Variants in LMNB1 observed in about 807,000 individuals in gnomAD.
The protein encoded by LMNB1 is lamin-B1.
Under a neutral mutation model 67.1 loss-of-function variants are expected in LMNB1, and 23 were observed. The observed-to-expected ratio is 0.34, with a 90% CI of 0.25 to 0.49. The LOEUF is 0.49. Ranked by LOEUF, LMNB1 falls within the 20% of genes least tolerant of loss-of-function variation. The pLI is 0.99. For missense variants in LMNB1, 634 were observed against 746.5 expected, an observed-to-expected ratio of 0.85 and a Z score of 1.76; for synonymous variants, 281 against 282.9, an observed-to-expected ratio of 0.99 and a Z score of 0.07.
At chr5:126,784,724 C>G (rs1192817342) in intron 1 of LMNB1, among the ~76,000 whole-genome samples, 2 of 148,370 alleles carry the variant, frequency 1.3e-5, no homozygotes, top group Admixed American at 6.8e-5. Context: ...GGCGCCATCT[C>G]GGCTCACTGC....
rs1750512142 is a variant in LMNB1 at position 126,777,877 on chromosome 5, AGCTGGCG to A, written c.359+13_359+19del. ...ACCAGCTGCTCCTCAAGTGAGTGCTAGCTGGCGGCCGCGTTAGCGCCAAGGAGGGGCG... is the reference window on the plus strand; with the variant it reads ...ACCAGCTGCTCCTCAAGTGAGTGCTAGCCGCGTTAGCGCCAAGGAGGGGCG... On this transcript the variant is annotated intron_variant, in intron 1 of 10. Transcript: ENST00000261366. 7.2e-7 allele frequency: 1 copy of A among 1,388,046 alleles called. No homozygotes were observed. The highest frequency in any genetic ancestry group is 1.6e-5 in the South Asian group (1 of 62,136). The allele number at this position is 1,388,046 out of a possible 1,614,324, so 86.0% of individuals were successfully genotyped here.
intron 1 of LMNB1, among the ~76,000 whole-genome samples, chr5:126,795,750 G>C (rs909724884): frequency 7.0e-6 from 1 of 143,448 alleles, no homozygotes; most frequent in Non-Finnish European, 1.5e-5. Flanking sequence ...TCAGCCTCCC[G>C]AGTAGCTGGG....
chr5:126,796,094 G>A (rs1366460075), intron 1 of LMNB1, among the ~76,000 whole-genome samples: 4 of 151,548 alleles, frequency 2.6e-5, no homozygotes, highest in Admixed American at 6.6e-5. Context: ...CACTACGCCC[G>A]GCCAATTTTG....
chr5:126,786,112 CTTTTTTTTT>C (rs70997312), intron 1 of LMNB1, among the ~76,000 whole-genome samples: 9 of 106,670 alleles, frequency 8.4e-5, no homozygotes, highest in African/African-American at 3.1e-4. Flanking sequence ...CAGACATTAT[CTTTTTTTTT>C]TTTTTTTTTT....
At chr5:126,807,853 G>GTTTTGTTTTTGTTTTTGT (rs11272186) in intron 3 of LMNB1, among the ~76,000 whole-genome samples, 40,654 of 145,296 alleles carry the variant, frequency 0.28, 5,913 homozygotes, top group South Asian at 0.4. Flanking sequence ...GTCCTCTTCA[G>GTTTTGTTTTTGTTTTTGT]TTTTGTTTTT....
chr5:126,788,672 G>A (rs796123217), intron 1 of LMNB1, among the ~76,000 whole-genome samples: 17 of 152,236 alleles, frequency 1.1e-4, no homozygotes, highest in African/African-American at 4.1e-4. Context: ...GAAAAGAGAG[G>A]TGAGTCATGG....
intron 1 of LMNB1, among the ~76,000 whole-genome samples, chr5:126,780,082 C>T (rs1469541425): frequency 6.6e-6 from 1 of 151,928 alleles, no homozygotes; most frequent in Non-Finnish European, 1.5e-5. Flanking sequence ...ATCCCAGCTA[C>T]TGGGGAGGCT....
At chr5:126,791,840 G>A (rs1157323357) in intron 1 of LMNB1, among the ~76,000 whole-genome samples, 3 of 151,874 alleles carry the variant, frequency 2.0e-5, no homozygotes, top group South Asian at 4.1e-4. Context: ...CTGGAGTGCA[G>A]TGGTGCGATC....
At chr5:126,812,878 G>A (rs190542849) in intron 5 of LMNB1, among the ~76,000 whole-genome samples, 4 of 151,892 alleles carry the variant, frequency 2.6e-5, no homozygotes, top group East Asian at 1.9e-4. Context: ...CTACAAGTGC[G>A]TGCCACCACG....
In LMNB1 at chr5:126,832,707, G is replaced by A. The variant is rs1561756437; in HGVS notation, c.1625G>A (p.Arg542Lys). The change falls in exon 10 of 11, where the codon AGA becomes AAA. Residue 542 changes from arginine (R) to lysine (K), a missense_variant. Coordinates refer to ENST00000261366, the MANE Select transcript of LMNB1 (RefSeq NM_005573.4). ...KNSQGEEVAQ[R>K]STVFKTTIPE... ...TATTGTTTTTAGGAGGTTGCTCAAA[G>A]AAGTACAGTCTTTAAAACAACCATA... 1.4e-5 allele frequency: 23 copies of A among 1,611,798 alleles called. No individual in the cohort carries two copies. Among genetic ancestry groups the A allele is most frequent in the Non-Finnish European group, 1.9e-5 (22 of 1,178,288 alleles).
chr5:126,806,751 C>G (rs756894255), intron 3 of LMNB1, among the ~76,000 whole-genome samples: 39 of 152,128 alleles, frequency 2.6e-4, no homozygotes, highest in African/African-American at 9.4e-4. Context: ...TCTGGAAATG[C>G]GGCTACTCAC....
At chr5:126,782,637 C>T (rs1177217816) in intron 1 of LMNB1, among the ~76,000 whole-genome samples, 1 of 152,058 alleles carries the variant, frequency 6.6e-6, no homozygotes, top group Non-Finnish European at 1.5e-5. Flanking sequence ...GCAACCTCTG[C>T]CTCCTGGGTT....
chr5:126,782,273 G>A (rs1419153198), intron 1 of LMNB1, among the ~76,000 whole-genome samples: 2 of 152,216 alleles, frequency 1.3e-5, no homozygotes, highest in African/African-American at 4.8e-5. Flanking sequence ...GGGGCCAGAT[G>A]TGCTTTGGAA....
intron 1 of LMNB1, among the ~76,000 whole-genome samples, chr5:126,779,309 T>C (rs371163071): frequency 2.0e-5 from 3 of 152,246 alleles, no homozygotes; most frequent in East Asian, 3.8e-4. Context: ...TCCCTTTTTG[T>C]TTTTATTTCT....
intron 5 of LMNB1, among the ~76,000 whole-genome samples, chr5:126,813,076 A>G (rs1400453109): frequency 6.6e-6 from 1 of 151,858 alleles, no homozygotes; most frequent in Non-Finnish European, 1.5e-5. Flanking sequence ...TCTTTTTACC[A>G]TTTTTAGTAA....
intron 1 of LMNB1, among the ~76,000 whole-genome samples, chr5:126,798,642 T>C (rs1173709134): frequency 6.6e-6 from 1 of 152,142 alleles, no homozygotes; most frequent in Non-Finnish European, 1.5e-5. Flanking sequence ...TTTTTCTTCT[T>C]GGAAGAGACA....
At chr5:126,827,391 G>T (rs1752021508) in intron 9 of LMNB1, among the ~76,000 whole-genome samples, 1 of 152,230 alleles carries the variant, frequency 6.6e-6, no homozygotes, top group African/African-American at 2.4e-5. Flanking sequence ...CCAGCGCAGT[G>T]GCTCATGCCT....
At chr5:126,801,186 T>C (rs949423016) in intron 1 of LMNB1, among the ~76,000 whole-genome samples, 17 of 150,938 alleles carry the variant, frequency 1.1e-4, no homozygotes, top group Admixed American at 8.6e-4. Flanking sequence ...GGTCTCACCG[T>C]GTTGCCCAGG....
At chr5:126,820,834 T>G in intron 6 of LMNB1, 76 bp from the exon 7 acceptor site, 12 of 1,140,852 alleles carry the variant, frequency 1.1e-5, no homozygotes, top group South Asian at 1.4e-5. Context: ...AGCCCTTGTT[T>G]TTTTGTTTTT....
Sources: gnomAD v4.1 joint callset for allele counts (sites outside exome capture counted in the v4.1 genomes callset) on GRCh38, gnomAD v4.1.1 for gene constraint, MANE v1.5 for transcripts, NCBI Gene and HGNC (gene_info 2026-07-23, HGNC 2026-07-21) for gene names.